The following GABRA2 variants were observed in gnomAD, a reference collection of about 807,000 sequenced individuals.
The protein encoded by GABRA2 is gamma-aminobutyric acid type A receptor subunit alpha2, also known as gamma-aminobutyric acid receptor subunit alpha-2.
A neutral mutation model predicts 48.7 loss-of-function variants in GABRA2; 16 were observed. The ratio of observed to expected loss-of-function variants is 0.33; its 90% CI spans 0.22 to 0.50. The LOEUF is 0.50. GABRA2 is among the 20% of genes least tolerant of loss of function. The probability of loss-of-function intolerance (pLI) is 0.98; values close to 1 mark genes in which losing one functional copy is unlikely to be tolerated. For missense variants in GABRA2, 275 were observed against 535.6 expected, an observed-to-expected ratio of 0.51 and a Z score of 4.80; for synonymous variants, 185 against 184.5, an observed-to-expected ratio of 1.00 and a Z score of -0.02.
At position 46,254,576 on chromosome 4, in the gene GABRA2, C is replaced by G. The variant is rs190864010; in HGVS notation, c.1060-3972G>C. ...GCCAGGTATAGCCAAAAATATACAC[C>G]GTGTTCCAGAAGCCGATTTTTAAAA... is the stretch of plus-strand genomic sequence containing the variant. On this transcript the variant is annotated intron_variant, in intron 9 of 9. Coordinates refer to ENST00000381620, the MANE Select transcript of GABRA2 (RefSeq NM_000807.4). Among the ~76,000 whole-genome samples, 9 of 151,240 alleles carry G rather than the reference C, an allele frequency of 6.0e-5. No individual in the cohort carries two copies. In the East Asian group the frequency reaches 1.6e-3, roughly 26 times the overall value.
chr4:46,249,034 A>ATGAGTGTG lies in GABRA2; in HGVS notation c.*1273_*1274insCACACTCA, dbSNP rs1553894807. The ATGAGTGTG allele has an allele frequency of 3.5e-5, 5 of 143,330 alleles. No homozygotes were observed. Among genetic ancestry groups the ATGAGTGTG allele is most frequent in the African/African-American group, 1.3e-4 (5 of 39,228 alleles). The allele number at this position is 143,330 out of a possible 1,614,324, so 8.9% of individuals were successfully genotyped here. A position where few individuals can be genotyped will look rare whatever the true frequency, so the allele number is the denominator to read the frequency against. On this transcript the variant is annotated 3_prime_UTR_variant, in exon 10 of 10. Transcript: ENST00000381620. ...ATTGTGTTTTCTAATTTAGCTGTGT[A>ATGAGTGTG]TGTGTGTGTGTGTGTGTGTGTGTGT... is the stretch of plus-strand genomic sequence containing the variant.
chr4:46,363,640 CTT>C (rs1178001963), intron 3 of GABRA2: 2 of 152,030 alleles, frequency 1.3e-5, no homozygotes, highest in Admixed American at 6.6e-5. Flanking sequence ...AGTTTAGCCT[CTT>C]AGCTATGTTA....
Position 46,245,639 on chromosome 4 carries a change from T to C in GABRA2, c.*4669A>G, listed in dbSNP as rs1353801204. Among the ~76,000 whole-genome samples the C allele has an allele frequency of 6.6e-6, 1 of 151,272 alleles. No homozygotes were observed. Among genetic ancestry groups the C allele is most frequent in the Non-Finnish European group, 1.5e-5 (1 of 67,470 alleles). On this transcript the variant is annotated 3_prime_UTR_variant, in exon 10 of 10. Transcript: ENST00000381620. Reference sequence around the variant, plus strand: ...CCATTAATAAAACAAATTGTTTAGATATCATAAATTTATCTGAATTTCTCA... The same window carrying C: ...CCATTAATAAAACAAATTGTTTAGACATCATAAATTTATCTGAATTTCTCA...
intron 3 of GABRA2, among the ~76,000 whole-genome samples, chr4:46,377,395 C>CGG (rs754742957): frequency 3.9e-4 from 57 of 147,116 alleles, no homozygotes; most frequent in Middle Eastern, 3.8e-3. Context: ...CCGCCCCGTC[C>CGG]GGGATGTGAG....
At chr4:46,283,433 A>G (rs1165733899) in intron 8 of GABRA2, among the ~76,000 whole-genome samples, 1 of 152,202 alleles carries the variant, frequency 6.6e-6, no homozygotes, top group Non-Finnish European at 1.5e-5. Flanking sequence ...GTGCTGCCGT[A>G]CTAGCCTTGG....
rs1553916278 is a variant in GABRA2, at chr4:46,330,591, T to TAGAGAGAGAGAGAG, written c.255+2010_255+2023dup. 3.2e-3 allele frequency among the ~76,000 whole-genome samples: 394 copies of TAGAGAGAGAGAGAG among 122,590 alleles called. 8 individuals are homozygous for TAGAGAGAGAGAGAG. In the East Asian group the frequency reaches 0.043, roughly 13 times the overall value. 80.4% of individuals were successfully genotyped at this position (122,590 alleles called of 152,430 possible). ...ATATATATATATATATATATATATA[T>TAGAGAGAGAGAGAG]AGAGAGAGAGAGAGAGAGATGTTTT... On this transcript the variant is annotated intron_variant, in intron 4 of 9. Coordinates refer to ENST00000381620, the MANE Select transcript of GABRA2 (RefSeq NM_000807.4).
At chr4:46,333,918 C>T (rs2109819360) in intron 3 of GABRA2, among the ~76,000 whole-genome samples, 1 of 152,180 alleles carries the variant, frequency 6.6e-6, no homozygotes. Flanking sequence ...CAATTATAAA[C>T]TTAAAACTAA....
chr4:46,326,623 C>T (rs1332943021), intron 4 of GABRA2, among the ~76,000 whole-genome samples: 1 of 151,434 alleles, frequency 6.6e-6, no homozygotes, highest in Non-Finnish European at 1.5e-5. Context: ...CTCTTCCTGT[C>T]CTTTAAATAT....
chr4:46,330,581 T>G (rs370875012), intron 4 of GABRA2, among the ~76,000 whole-genome samples: 2,733 of 105,274 alleles, frequency 0.026, 53 homozygotes, highest in African/African-American at 0.057. Context: ...TATATATATA[T>G]ATATATATAT....
chr4:46,284,753 A>G (rs957753528), intron 8 of GABRA2, among the ~76,000 whole-genome samples: 3 of 152,054 alleles, frequency 2.0e-5, no homozygotes, highest in Middle Eastern at 3.2e-3. Flanking sequence ...AGAGGTTGAA[A>G]AATTTGACAT....
intron 9 of GABRA2, chr4:46,256,093 C>T (rs1577771477): frequency 2.3e-6 from 1 of 442,328 alleles, no homozygotes; most frequent in Admixed American, 3.9e-5. Context: ...ATTGTGGCTA[C>T]TAGAAAGCTC....
At chr4:46,285,467 C>A (rs1722375134) in intron 8 of GABRA2, among the ~76,000 whole-genome samples, 1 of 152,030 alleles carries the variant, frequency 6.6e-6, no homozygotes, top group Non-Finnish European at 1.5e-5. Context: ...TATCTCAACT[C>A]TGTACTAGGA....
At chr4:46,387,391 T>C (rs1470621632) in intron 2 of GABRA2, among the ~76,000 whole-genome samples, 1 of 152,182 alleles carries the variant, frequency 6.6e-6, no homozygotes, top group Non-Finnish European at 1.5e-5. Context: ...ACCTAGTAGC[T>C]ATAAATAGTC....
At chr4:46,318,001 T>C (rs1728829094) in intron 4 of GABRA2, among the ~76,000 whole-genome samples, 1 of 151,654 alleles carries the variant, frequency 6.6e-6, no homozygotes, top group Non-Finnish European at 1.5e-5. Context: ...TTTTTAAATA[T>C]GAACATCATA....
At chr4:46,275,803 T>A (rs894170012) in intron 8 of GABRA2, among the ~76,000 whole-genome samples, 1 of 152,134 alleles carries the variant, frequency 6.6e-6, no homozygotes, top group Admixed American at 6.6e-5. Context: ...TTGTGATAAA[T>A]AGTACATCAT....
chr4:46,257,524 A>G (rs999225157), intron 9 of GABRA2, among the ~76,000 whole-genome samples: 2 of 151,742 alleles, frequency 1.3e-5, no homozygotes, highest in East Asian at 3.9e-4. Context: ...CATTTCTAAA[A>G]TAGAAATACT....
At chr4:46,283,645 T>C (rs545787133) in intron 8 of GABRA2, among the ~76,000 whole-genome samples, 5 of 152,252 alleles carry the variant, frequency 3.3e-5, no homozygotes, top group East Asian at 3.8e-4. Context: ...AAGTAGCTAA[T>C]GTCTTCAAAT....
At chr4:46,375,907 TAC>T (rs1256702060) in intron 3 of GABRA2, among the ~76,000 whole-genome samples, 1 of 152,214 alleles carries the variant, frequency 6.6e-6, no homozygotes, top group African/African-American at 2.4e-5. Flanking sequence ...GAGCTATACT[TAC>T]AGCTACAAAA....
intron 5 of GABRA2, among the ~76,000 whole-genome samples, chr4:46,312,093 C>T (rs978717610): frequency 4.0e-5 from 6 of 151,792 alleles, no homozygotes; most frequent in Admixed American, 1.3e-4. Flanking sequence ...AGCAAGTCTC[C>T]GCCTCAATAA....
Sources: allele counts gnomAD v4.1 joint callset (sites outside exome capture counted in the v4.1 genomes callset), GRCh38; gene constraint gnomAD v4.1.1; transcripts MANE v1.5; gene names NCBI Gene and HGNC (gene_info 2026-07-23, HGNC 2026-07-21).